SASH1: variants seen among roughly 807,000 people sequenced by gnomAD.
SASH1 encodes SAM and SH3 domain-containing protein 1.
SASH1 carries 44 observed loss-of-function variants against 125.2 expected under a neutral mutation model. The observed-to-expected ratio is 0.35, with a 90% CI of 0.28 to 0.45. The LOEUF is 0.45. Ranked by LOEUF, SASH1 falls within the 20% of genes least tolerant of loss-of-function variation. The pLI is 1.00. For synonymous variants in SASH1, 639 were observed against 649.1 expected, an observed-to-expected ratio of 0.98 and a Z score of 0.24; for missense variants, 1,426 against 1,614.5, an observed-to-expected ratio of 0.88 and a Z score of 2.00.
intron 4 of SASH1, among the ~76,000 whole-genome samples, chr6:148,451,355 A>T (rs1420026919): frequency 6.6e-6 from 1 of 152,246 alleles, no homozygotes; most frequent in East Asian, 1.9e-4. Context: ...CGGCTTGTAA[A>T]TATCAACATT....
chr6:148,396,339 G>A (rs1472299665), intron 2 of SASH1, among the ~76,000 whole-genome samples: 1 of 151,824 alleles, frequency 6.6e-6, no homozygotes, highest in Non-Finnish European at 1.5e-5. Flanking sequence ...TTAGCCAGGT[G>A]TGGTGGTGCG....
intron 2 of SASH1, among the ~76,000 whole-genome samples, chr6:148,420,276 C>A (rs969716712): frequency 2.0e-5 from 3 of 151,974 alleles, no homozygotes; most frequent in African/African-American, 7.3e-5. Context: ...TTAAGAAAAA[C>A]CGATTTTAAG....
At chr6:148,372,685 G>GT (rs1479482829) in intron 1 of SASH1, among the ~76,000 whole-genome samples, 1 of 146,906 alleles carries the variant, frequency 6.8e-6, no homozygotes, top group East Asian at 2.0e-4. Context: ...TTGATTGATT[G>GT]TTTCATTTAT....
At chr6:148,256,724 G>T in the SASH1 span, among the ~76,000 whole-genome samples, 1 of 152,178 alleles carries the variant, frequency 6.6e-6, no homozygotes, top group Admixed American at 6.5e-5. Context: ...GAAGGGAATG[G>T]TTAGAGTGAT....
At chr6:148,241,238 A>C in the SASH1 span, among the ~76,000 whole-genome samples, 1 of 152,210 alleles carries the variant, frequency 6.6e-6, no homozygotes, top group South Asian at 2.1e-4. Context: ...AGAGGCTGGA[A>C]ATAGGAACTG....
rs1583346113 is a variant in SASH1, at chr6:148,548,358, G to A, written c.3544G>A (p.Val1182Met). 6.2e-7 allele frequency: 1 copy of A among 1,614,246 alleles called. No individual in the cohort carries two copies. The highest frequency in any genetic ancestry group is 8.5e-7 in the Non-Finnish European group (1 of 1,180,034). ...CGTCTCTCCTGGGTGCATTTCGTCT[G>A]TGTCAGATTGGCTCATTTCCATCGG... ...KPVSPGCISS[V>M]SDWLISIGLP... is the part of the protein sequence containing the mutation. The change falls in exon 20 of 20, where the codon GTG (valine) becomes ATG (methionine). Residue 1182 changes from valine to methionine, a missense_variant. Around this residue, in one of 3 missense-constraint regions of SASH1, gnomAD observed 634 missense variants for 694.4 expected, o/e 0.91. Coordinates refer to ENST00000367467, the MANE Select transcript of SASH1 (RefSeq NM_015278.5).
At chr6:148,287,314 T>G (rs1779505747) in intron 1 of SASH1, among the ~76,000 whole-genome samples, 1 of 152,160 alleles carries the variant, frequency 6.6e-6, no homozygotes, top group South Asian at 2.1e-4. Context: ...CTTGGAAAAT[T>G]AAGGATTTTA....
intron 17 of SASH1, among the ~76,000 whole-genome samples, chr6:148,543,477 C>T (rs1396740819): frequency 6.6e-6 from 1 of 152,136 alleles, no homozygotes; most frequent in Non-Finnish European, 1.5e-5. Context: ...TTTAATAAGA[C>T]TAAGAATTCT....
intron 8 of SASH1, among the ~76,000 whole-genome samples, chr6:148,498,872 C>T (rs1036965074): frequency 4.6e-5 from 7 of 152,088 alleles, no homozygotes; most frequent in African/African-American, 1.7e-4. Context: ...TGCCCTAGCG[C>T]CGGTCCTTAT....
At chr6:148,342,717 T>C (rs1193796268), upstream of SASH1, 1 of 152,258 alleles carries the variant, frequency 6.6e-6, no homozygotes, top group African/African-American at 2.4e-5. Flanking sequence ...TTGGTTCCCG[T>C]CACAGGAAGA....
At chr6:148,322,589 T>G (rs903537684) in intron 1 of SASH1, among the ~76,000 whole-genome samples, 5 of 152,166 alleles carry the variant, frequency 3.3e-5, no homozygotes, top group Non-Finnish European at 7.3e-5. Flanking sequence ...GGGTTACCAT[T>G]GACTCCAAAA....
At chr6:148,369,966 CAAAA>C (rs562924566) in intron 1 of SASH1, among the ~76,000 whole-genome samples, 112 of 93,600 alleles carry the variant, frequency 1.2e-3, no homozygotes, top group Admixed American at 2.5e-3. Context: ...AAAAGAAAAA[CAAAA>C]AAAAAAAAAA....
chr6:148,422,386 A>T (rs1001970330), intron 2 of SASH1, among the ~76,000 whole-genome samples: 3 of 152,216 alleles, frequency 2.0e-5, no homozygotes, highest in Admixed American at 1.3e-4. Flanking sequence ...TTACGTGTAT[A>T]CGTCAGTGTG....
chr6:148,419,305 C>G (rs1784947745), intron 2 of SASH1, among the ~76,000 whole-genome samples: 1 of 152,094 alleles, frequency 6.6e-6, no homozygotes, highest in Non-Finnish European at 1.5e-5. Context: ...GGTGAGCACC[C>G]TTTTTGGATT....
intron 4 of SASH1, among the ~76,000 whole-genome samples, chr6:148,442,867 G>C (rs1322484717): frequency 2.6e-5 from 4 of 151,914 alleles, no homozygotes; most frequent in Non-Finnish European, 4.4e-5. Context: ...TCCACCTCTT[G>C]GGTTCAAGCT....
At chr6:148,394,041 C>T (rs201689773) in intron 2 of SASH1, among the ~76,000 whole-genome samples, 14 of 151,742 alleles carry the variant, frequency 9.2e-5, no homozygotes, top group East Asian at 3.9e-4. Flanking sequence ...TACAGGTGCC[C>T]GCTACCACGC....
the SASH1 span, among the ~76,000 whole-genome samples, chr6:148,203,777 C>T: frequency 6.6e-6 from 1 of 152,160 alleles, no homozygotes; most frequent in African/African-American, 2.4e-5. Flanking sequence ...ACAGCATCAC[C>T]GGTTACTCAC....
the SASH1 span, among the ~76,000 whole-genome samples, chr6:148,257,089 CA>C: frequency 3.9e-5 from 6 of 151,984 alleles, no homozygotes; most frequent in Non-Finnish European, 7.4e-5. Context: ...CGGCTGTTAA[CA>C]AAAAATACAA....
intron 8 of SASH1, chr6:148,508,697 A>T (rs1272668674): frequency 5.0e-6 from 6 of 1,189,838 alleles, no homozygotes; most frequent in Non-Finnish European, 6.4e-6. Flanking sequence ...CTGAGCTGTG[A>T]CGGTGGAGCC....
Sources: gnomAD v4.1 joint callset for allele counts (sites outside exome capture counted in the v4.1 genomes callset) on GRCh38, gnomAD v4.1.1 for gene constraint, gnomAD v4.1.1 regional missense constraint, MANE v1.5 for transcripts, NCBI Gene and HGNC (gene_info 2026-07-23, HGNC 2026-07-21) for gene names.